PLCE1: variants seen among roughly 807,000 people sequenced by gnomAD.
PLCE1 encodes 1-phosphatidylinositol 4,5-bisphosphate phosphodiesterase epsilon-1.
In PLCE1, 119 loss-of-function variants were observed where a neutral mutation model predicts 242.8. The ratio of observed to expected loss-of-function variants is 0.49; its 90% confidence interval spans 0.42 to 0.57. The LOEUF (loss-of-function observed/expected upper bound fraction) is 0.57. Ranked by LOEUF, PLCE1 falls within the 20% of genes least tolerant of loss-of-function variation. The pLI is 0.00. For synonymous variants in PLCE1, 945 were observed against 1,017.4 expected (o/e 0.93, Z 1.35); for missense variants, 2,441 against 2,788.8 (o/e 0.88, Z 2.81).
chr10:94,089,086 T>C, intron 2 of PLCE1: 2 of 1,612,770 alleles, frequency 1.2e-6, no homozygotes, highest in Non-Finnish European at 1.7e-6. Flanking sequence ...CAGTGGGTCG[T>C]GGTGATTAAT....
chr10:94,237,469 C>G (rs759610767), intron 7 of PLCE1, among the ~76,000 whole-genome samples: 60 of 152,194 alleles, frequency 3.9e-4, no homozygotes, highest in Admixed American at 1.3e-3. Context: ...TCTCCACAGT[C>G]TCTTGTCTTT....
rs149393414 is a variant in PLCE1 at position 94,182,335 on chromosome 10, C to T, written c.1809+10839C>T. Among the ~76,000 whole-genome samples the T allele has an allele frequency of 2.1e-3, 314 of 151,984 alleles. 3 individuals are homozygous for T. The highest frequency in any genetic ancestry group is 6.5e-3 in the African/African-American group (271 of 41,460). On this transcript the variant is annotated intron_variant, in intron 4 of 32. Coordinates refer to ENST00000371380, the MANE Select transcript of PLCE1 (RefSeq NM_016341.4). ...AGGCTGGAGTGCAATGGTATGATCT[C>T]GGCTCACTACAACCTCCGCCTCCCA...
Position 94,322,040 on chromosome 10 carries a change from C to T in PLCE1, c.6482C>T (p.Ala2161Val), listed in dbSNP as rs896930151. ...TVIKAPRVST[A>V]QDVIQQTLCK... ...ATCAAAGCACCCCGCGTCAGCACTG[C>T]ACAGGATGTCATTCAGCAGGTAAAA... Residue 2161 changes from alanine to valine, a missense_variant, in exon 30 of 33, where the codon GCA (alanine) becomes GTA (valine). Ala to Val is a moderately conservative substitution (Grantham distance 64). Transcript: ENST00000371380. 3.7e-6 allele frequency: 6 copies of T among 1,614,014 alleles called. No homozygotes were observed. Among genetic ancestry groups the T allele is most frequent in the African/African-American group, 1.3e-5 (1 of 74,912 alleles).
At chr10:94,186,006 C>T (rs576727395) in intron 4 of PLCE1, among the ~76,000 whole-genome samples, 48 of 152,330 alleles carry the variant, frequency 3.2e-4, no homozygotes, top group African/African-American at 7.7e-4. Context: ...TGTGAGGATG[C>T]GGCTCGATTT....
intron 1 of PLCE1, among the ~76,000 whole-genome samples, chr10:94,017,689 A>T (rs2061306657): frequency 6.6e-6 from 1 of 152,232 alleles, no homozygotes. Flanking sequence ...CATAATACTT[A>T]TACATTAAGT....
chr10:94,062,591 T>TC (rs1409582577), intron 2 of PLCE1, among the ~76,000 whole-genome samples: 1 of 113,164 alleles, frequency 8.8e-6, no homozygotes. Context: ...TGTTTTTTTT[T>TC]TTGTTTTGTT....
chr10:94,318,123 A>C (rs1346271278), intron 29 of PLCE1, among the ~76,000 whole-genome samples: 1 of 152,202 alleles, frequency 6.6e-6, no homozygotes, highest in Non-Finnish European at 1.5e-5. Flanking sequence ...TCTTTCCCTG[A>C]CCTTGCCTGA....
chr10:94,308,186 T>G (rs1047667849), intron 26 of PLCE1, among the ~76,000 whole-genome samples: 8 of 152,230 alleles, frequency 5.3e-5, no homozygotes, highest in African/African-American at 1.7e-4. Flanking sequence ...CTTACAGTCA[T>G]ACCATAAATT....
intron 8 of PLCE1, among the ~76,000 whole-genome samples, chr10:94,251,399 C>CA: frequency 6.6e-6 from 1 of 152,272 alleles, no homozygotes; most frequent in Middle Eastern, 3.4e-3. Flanking sequence ...TGCAACAAAG[C>CA]AAAATCTATC....
chr10:94,243,254 A>G (rs1476510764), intron 7 of PLCE1, among the ~76,000 whole-genome samples: 1 of 152,150 alleles, frequency 6.6e-6, no homozygotes, highest in Non-Finnish European at 1.5e-5. Flanking sequence ...GCATCTAGTT[A>G]TGGAAAAAAT....
At chr10:94,092,846 C>T (rs758751300) in intron 2 of PLCE1, among the ~76,000 whole-genome samples, 78 of 152,056 alleles carry the variant, frequency 5.1e-4, no homozygotes, top group Non-Finnish European at 8.4e-4. Context: ...GTGAAGGAAC[C>T]AGGCAAAGAT....
At chr10:94,326,607 T>C (rs1366550733) in intron 32 of PLCE1, among the ~76,000 whole-genome samples, 2 of 152,224 alleles carry the variant, frequency 1.3e-5, no homozygotes, top group African/African-American at 4.8e-5. Context: ...ACTTCTTAAG[T>C]ACAGAAGAAT....
chr10:94,071,595 C>T (rs1226823706), intron 2 of PLCE1, among the ~76,000 whole-genome samples: 2 of 142,794 alleles, frequency 1.4e-5, no homozygotes, highest in Non-Finnish European at 3.0e-5. Flanking sequence ...CTCCTGGGCT[C>T]AAGTGATCCT....
At chr10:94,016,036 G>A (rs569489200) in intron 1 of PLCE1, among the ~76,000 whole-genome samples, 1 of 152,140 alleles carries the variant, frequency 6.6e-6, no homozygotes, top group African/African-American at 2.4e-5. Context: ...TCTGGAAGCC[G>A]CTATATGTCC....
rs553960973 is a variant in PLCE1, at chr10:94,298,988, G to A, written c.5458+319G>A. On this transcript the variant is annotated intron_variant, in intron 24 of 32. Transcript: ENST00000371380. The surrounding 1 kb of genome is among the most constrained non-coding windows in gnomAD (Gnocchi z 5.2). ...ATGTTTAAAGCTCTTTTTGGAGCAGGGATTTCCTAACACTGCCCAGTTAAC... is the reference window on the plus strand; with the variant it reads ...ATGTTTAAAGCTCTTTTTGGAGCAGAGATTTCCTAACACTGCCCAGTTAAC... Among the ~76,000 whole-genome samples, 3 of 152,218 alleles carry A rather than the reference G, an allele frequency of 2.0e-5. No homozygotes were observed. The South Asian group carries it at 6.2e-4, about 32-fold the overall frequency.
chr10:94,033,700 C>T (rs2061607903), intron 2 of PLCE1, among the ~76,000 whole-genome samples: 1 of 152,114 alleles, frequency 6.6e-6, no homozygotes, highest in African/African-American at 2.4e-5. Flanking sequence ...CTTATCTGTA[C>T]ATCTGAGGAC....
In PLCE1 at chr10:94,171,451, T is replaced by A. The variant is rs766398340; in HGVS notation, c.1764T>A (p.Asn588Lys). The A allele has an allele frequency of 2.5e-6, 4 of 1,614,090 alleles. No homozygotes were observed. In the African/African-American group the frequency reaches 5.3e-5, roughly 22 times the overall value. The stretch of plus-strand genomic sequence containing the variant: ...CAGCGTCGATTCTTACCACTCAGAA[T>A]GGAGAGCACAATGCCCTTGAAGATC... Reference protein sequence around the residue: ...SISASILTTQNGEHNALEDLV... With the variant: ...SISASILTTQKGEHNALEDLV... Residue 588 changes from asparagine to lysine, a missense_variant, in exon 4 of 33, where the codon AAT (asparagine) becomes AAA (lysine). Physicochemically the swap from Asn to Lys is moderately conservative, Grantham distance 94. Around this residue, in one of 5 missense-constraint regions of PLCE1, gnomAD observed 733 missense variants for 754.2 expected, o/e 0.97. Coordinates refer to ENST00000371380, the MANE Select transcript of PLCE1 (RefSeq NM_016341.4).
intron 25 of PLCE1, among the ~76,000 whole-genome samples, chr10:94,305,996 G>A (rs896750236): frequency 6.0e-5 from 9 of 149,262 alleles, no homozygotes; most frequent in African/African-American, 2.2e-4. Flanking sequence ...TTTTTGAGAT[G>A]GAGTCTTGCT....
At chr10:94,295,301 T>G (rs930460104) in intron 23 of PLCE1, among the ~76,000 whole-genome samples, 3 of 152,158 alleles carry the variant, frequency 2.0e-5, no homozygotes, top group African/African-American at 7.2e-5. Context: ...TCTAAATCCT[T>G]TGTTGTCATT....
Sources: gnomAD v4.1 joint callset for allele counts (sites outside exome capture counted in the v4.1 genomes callset) on GRCh38, gnomAD v4.1.1 for gene constraint, gnomAD v4.1.1 regional missense constraint, Gnocchi (gnomAD v3.1) non-coding constraint, MANE v1.5 for transcripts, NCBI Gene and HGNC (gene_info 2026-07-23, HGNC 2026-07-21) for gene names.